CCT6A: variants seen among roughly 807,000 people sequenced by gnomAD.
CCT6A encodes T-complex protein 1 subunit zeta.
CCT6A carries 6 observed loss-of-function variants against 58.6 expected under a neutral mutation model. That is an observed-to-expected ratio of 0.10 (90% CI 0.06 to 0.20). The LOEUF (loss-of-function observed/expected upper bound fraction) is 0.20, where lower values mean the gene tolerates loss of function less well. CCT6A is among the 10% of genes least tolerant of loss of function. CCT6A has a pLI of 1.00. For synonymous variants in CCT6A, 245 were observed against 227.8 expected (o/e 1.08, Z -0.68); for missense variants, 516 against 648.8 (o/e 0.80, Z 2.22).
rs768599392 is a variant in CCT6A at position 56,056,080 on chromosome 7, GAATGTT to G, written c.511-221_511-216del. On this transcript the variant is annotated intron_variant, in intron 4 of 13. Coordinates refer to ENST00000275603, the MANE Select transcript of CCT6A (RefSeq NM_001762.4). Reference sequence around the variant, plus strand: ...TTACCAGTATTTTTAATAAAACGAGGAATGTTAATGTTAATTAATGTTAATGTTTGG... The same window carrying G: ...TTACCAGTATTTTTAATAAAACGAGGAATGTTAATTAATGTTAATGTTTGG... 1.5e-3 allele frequency among the ~76,000 whole-genome samples: 217 copies of G among 146,084 alleles called. 1 individual carries two copies. The highest frequency in any genetic ancestry group is 3.5e-3 in the South Asian group (17 of 4,824).
At chr7:56,061,675 T>C (rs10081374) in intron 11 of CCT6A, 72 bp from the exon 12 acceptor site, 4,785 of 197,012 alleles carry the variant, frequency 0.024, 84 homozygotes, top group South Asian at 0.034. Flanking sequence ...TTTCTTTTTT[T>C]TTTTTTTTTT....
intron 3 of CCT6A, among the ~76,000 whole-genome samples, chr7:56,054,775 A>T (rs1241610685): frequency 6.6e-6 from 1 of 152,120 alleles, no homozygotes; most frequent in Non-Finnish European, 1.5e-5. Context: ...CTAAAAATGG[A>T]ATGTTTAGGA....
chr7:56,051,996 G>C lies in CCT6A; in HGVS notation c.137+11G>C. 1.3e-6 allele frequency: 2 copies of C among 1,496,280 alleles called. No individual in the cohort carries two copies. The highest frequency in any genetic ancestry group is 1.8e-6 in the Non-Finnish European group (2 of 1,123,362). The allele number at this position is 1,496,280 out of a possible 1,614,324, so 92.7% of individuals were successfully genotyped here. On this transcript the variant is annotated intron_variant, in intron 1 of 13. Coordinates refer to ENST00000275603, the MANE Select transcript of CCT6A (RefSeq NM_001762.4). ...GGGCACCATGAAGATGTAAGGCGGG[G>C]CTGAACCGGAGGGCCGGGCGGGCAC... is the stretch of plus-strand genomic sequence containing the variant.
At chr7:56,054,005 G>A (rs1186814515) in intron 2 of CCT6A, among the ~76,000 whole-genome samples, 1 of 152,072 alleles carries the variant, frequency 6.6e-6, no homozygotes, top group African/African-American at 2.4e-5. Flanking sequence ...ATTATAATGT[G>A]TGTGCCCTTT....
chr7:56,057,917 C>T (rs903146169), intron 5 of CCT6A, 76 bp from the exon 6 acceptor site: 3 of 801,286 alleles, frequency 3.7e-6, no homozygotes, highest in East Asian at 2.5e-5. Context: ...ATATCAATAC[C>T]TTCTCATTTC....
intron 8 of CCT6A, 109 bp downstream of exon 8, chr7:56,058,811 C>T (rs1444891337): frequency 4.5e-6 from 3 of 671,434 alleles, no homozygotes; most frequent in Non-Finnish European, 8.0e-6. Flanking sequence ...TTGGCATTAA[C>T]TATATTCACA....
chr7:56,056,718 G>A (rs1410568165), intron 5 of CCT6A, among the ~76,000 whole-genome samples: 1 of 150,006 alleles, frequency 6.7e-6, no homozygotes, highest in Non-Finnish European at 1.5e-5. Flanking sequence ...GCGAAACCCC[G>A]TCCCATTAAA....
In CCT6A at chr7:56,059,695, TTG is replaced by T. The variant is rs1006943233; in HGVS notation, c.1065+57_1065+58del. On this transcript the variant is annotated intron_variant, in intron 9 of 13. Transcript: ENST00000275603. ...GAACCTTTTAGCTCGTGAATTATTTTTGTTTGTTTGTTTGAGGTGGGGTCTCA... is the reference window on the plus strand; with the variant it reads ...GAACCTTTTAGCTCGTGAATTATTTTTTTGTTTGTTTGAGGTGGGGTCTCA... The T allele has an allele frequency of 1.6e-5, 14 of 882,626 alleles. No individual in the cohort carries two copies. The African/African-American group carries it at 2.3e-4, about 15-fold the overall frequency. 54.7% of individuals were successfully genotyped at this position (882,626 alleles called of 1,614,324 possible). A position where few individuals can be genotyped will look rare whatever the true frequency, so the allele number is the denominator to read the frequency against.
intron 8 of CCT6A, 113 bp downstream of exon 8, chr7:56,058,815 A>G: frequency 1.5e-6 from 1 of 656,912 alleles, no homozygotes; most frequent in Non-Finnish European, 2.7e-6. Flanking sequence ...CATTAACTAT[A>G]TTCACATTGT....
In CCT6A at chr7:56,055,609, G is replaced by A. The variant is rs1361719402; in HGVS notation, c.337-15G>A. 4 of 1,608,020 alleles carry A rather than the reference G, an allele frequency of 2.5e-6. No individual in the cohort carries two copies. The highest frequency in any genetic ancestry group is 1.7e-5 in the Admixed American group (1 of 59,768). ...CCTAATTGAAGATGCAAGTGTTAAT[G>A]TGTGTTTATTTTAGGGCCTTCATCC... is the stretch of plus-strand genomic sequence containing the variant. On this transcript the variant is annotated splice_polypyrimidine_tract_variant and intron_variant, in intron 3 of 13. Coordinates refer to ENST00000275603, the MANE Select transcript of CCT6A (RefSeq NM_001762.4).
rs1389625514 is a variant in CCT6A, at chr7:56,063,447, A to G, written c.*362A>G. The G allele has an allele frequency of 4.3e-6, 1 of 233,414 alleles. No homozygotes were observed. The highest frequency in any genetic ancestry group is 8.5e-6 in the Non-Finnish European group (1 of 117,856). The allele number at this position is 233,414 out of a possible 1,614,324, so 14.5% of individuals were successfully genotyped here. On this transcript the variant is annotated 3_prime_UTR_variant, in exon 14 of 14. Coordinates refer to ENST00000275603, the MANE Select transcript of CCT6A (RefSeq NM_001762.4). ...TATGTGGACGTATGTTAAATTATCC[A>G]ACTACCCTATTGTTAAGCATTTGGT...
chr7:56,054,089 A>G (rs954302042), intron 2 of CCT6A, among the ~76,000 whole-genome samples: 2 of 152,228 alleles, frequency 1.3e-5, no homozygotes, highest in African/African-American at 4.8e-5. Flanking sequence ...ATTATGTGTT[A>G]CTGTTAACTG....
At position 56,063,250 on chromosome 7, in the gene CCT6A, T is replaced by C. The variant is rs369416869; in HGVS notation, c.*165T>C. On this transcript the variant is annotated 3_prime_UTR_variant, in exon 14 of 14. Coordinates refer to ENST00000275603, the MANE Select transcript of CCT6A (RefSeq NM_001762.4). The stretch of plus-strand genomic sequence containing the variant: ...TTGAAATTTGGAAGTTCTGAAATTA[T>C]AGTATTTTTAAAAATTGCACTGAAG... The C allele has an allele frequency of 2.8e-3, 1,750 of 615,838 alleles. 38 individuals are homozygous for C. In the South Asian group the frequency reaches 0.033, roughly 12 times the overall value. 38.1% of individuals were successfully genotyped at this position (615,838 alleles called of 1,614,324 possible).
At chr7:56,058,328 C>T in intron 6 of CCT6A, 34 bp from the exon 7 acceptor site, 2 of 1,491,056 alleles carry the variant, frequency 1.3e-6, no homozygotes, top group Admixed American at 4.5e-5. Flanking sequence ...CTTAATGTTT[C>T]CCTGCTTTCT....
intron 4 of CCT6A, 56 bp downstream of exon 4, chr7:56,055,853 G>A (rs1794293745): frequency 1.5e-6 from 2 of 1,292,114 alleles, no homozygotes; most frequent in Non-Finnish European, 2.2e-6. Flanking sequence ...GAAAATCTCT[G>A]ATAGTAGAAA....
chr7:56,054,614 G>A (rs1794265389), intron 3 of CCT6A, 111 bp downstream of exon 3: 3 of 1,060,302 alleles, frequency 2.8e-6, no homozygotes, highest in African/African-American at 3.1e-5. Flanking sequence ...TAGAATTAGG[G>A]GGCTTAAATC....
At chr7:56,062,935 G>C in intron 13 of CCT6A, 78 bp from the exon 14 acceptor site, 8 of 1,223,616 alleles carry the variant, frequency 6.5e-6, no homozygotes, top group South Asian at 4.8e-5. Context: ...AATGTGTGCA[G>C]CTTGGTTGGA....
Position 56,057,997 on chromosome 7 carries a change from A to G in CCT6A, c.619A>G (p.Ile207Val). The change falls in exon 6 of 14, where the codon ATC (isoleucine) becomes GTC (valine). Residue 207 changes from isoleucine (I) to valine (V), a missense_variant. Coordinates refer to ENST00000275603, the MANE Select transcript of CCT6A (RefSeq NM_001762.4). ...ATTTTGTGTGTGTTTAAACAGCTTA[A>G]TCAGAGGGCTTGTTTTGGACCACGG... ...KHKSETDTSL[I>V]RGLVLDHGAR... The G allele has an allele frequency of 6.3e-7, 1 of 1,594,780 alleles. No homozygotes were observed. The highest frequency in any genetic ancestry group is 8.6e-7 in the Non-Finnish European group (1 of 1,162,776).
intron 2 of CCT6A, among the ~76,000 whole-genome samples, 176 bp from the exon 3 acceptor site, chr7:56,054,193 C>T (rs569025019): frequency 2.0e-5 from 3 of 152,160 alleles, no homozygotes; most frequent in Non-Finnish European, 2.9e-5. Flanking sequence ...CACATGAAGA[C>T]GTTTCAATCA....
Sources: gnomAD v4.1 joint callset for allele counts (sites outside exome capture counted in the v4.1 genomes callset) on GRCh38, gnomAD v4.1.1 for gene constraint, MANE v1.5 for transcripts, NCBI Gene and HGNC (gene_info 2026-07-23, HGNC 2026-07-21) for gene names.